The following ILRUN variants were observed in gnomAD, a reference collection of about 807,000 sequenced individuals.
ILRUN encodes inflammation and lipid regulator with UBA-like and NBR1-like domains, also known as protein ILRUN.
Under a neutral mutation model 33.8 loss-of-function variants are expected in ILRUN, and 3 were observed. That is an observed-to-expected ratio of 0.09 (90% CI 0.04 to 0.23). The LOEUF is 0.23. ILRUN is among the 10% of genes least tolerant of loss of function. ILRUN has a pLI of 1.00. For synonymous variants in ILRUN, 124 were observed against 138.9 expected (o/e 0.89, Z 0.75); for missense variants, 210 against 375.1 (o/e 0.56, Z 3.64).
intron 1 of ILRUN, among the ~76,000 whole-genome samples, chr6:34,660,298 CA>C (rs1007246592): frequency 6.8e-5 from 10 of 147,606 alleles, no homozygotes; most frequent in Non-Finnish European, 1.3e-4. Context: ...GAGACCCTGT[CA>C]AAAAAATAAA....
chr6:34,658,530 G>A (rs1197689127), intron 1 of ILRUN, among the ~76,000 whole-genome samples: 1 of 147,210 alleles, frequency 6.8e-6, no homozygotes, highest in Non-Finnish European at 1.5e-5. Flanking sequence ...CTTTAGGCAG[G>A]ACACAGTGGC....
intron 1 of ILRUN, among the ~76,000 whole-genome samples, chr6:34,676,678 T>C (rs1363428384): frequency 6.6e-6 from 1 of 151,896 alleles, no homozygotes; most frequent in African/African-American, 2.4e-5. Flanking sequence ...AAACATACTT[T>C]CTTTGAAAAT....
At chr6:34,684,103 A>C (rs1042285062) in intron 1 of ILRUN, among the ~76,000 whole-genome samples, 6 of 151,948 alleles carry the variant, frequency 3.9e-5, no homozygotes, top group Admixed American at 6.6e-5. Flanking sequence ...AAACCAGGAC[A>C]TTTCCTATAA....
intron 3 of ILRUN, among the ~76,000 whole-genome samples, chr6:34,641,219 A>C (rs1316814160): frequency 6.6e-6 from 1 of 152,220 alleles, no homozygotes; most frequent in Non-Finnish European, 1.5e-5. Flanking sequence ...GTGCCTAGGC[A>C]ACAGAGTCCC....
chr6:34,622,379 C>T (rs1762029000), intron 3 of ILRUN, among the ~76,000 whole-genome samples: 1 of 152,072 alleles, frequency 6.6e-6, no homozygotes, highest in East Asian at 1.9e-4. Context: ...ACAGAAAACA[C>T]AACCTGATTT....
chr6:34,670,644 A>C (rs1763096985), intron 1 of ILRUN, among the ~76,000 whole-genome samples: 1 of 151,842 alleles, frequency 6.6e-6, no homozygotes, highest in South Asian at 2.1e-4. Context: ...TGAGGTCAGG[A>C]GTTCGAGACC....
chr6:34,658,294 A>G (rs1468971542), intron 1 of ILRUN, among the ~76,000 whole-genome samples: 1 of 151,850 alleles, frequency 6.6e-6, no homozygotes, highest in Non-Finnish European at 1.5e-5. Context: ...CAATGAGCCA[A>G]AATTGTGCCA....
intron 4 of ILRUN, among the ~76,000 whole-genome samples, chr6:34,602,530 G>A (rs578231306): frequency 2.6e-5 from 4 of 152,254 alleles, no homozygotes; most frequent in African/African-American, 9.6e-5. Context: ...TCACAGCAAG[G>A]TTAGCCTTGA....
chr6:34,658,490 C>CTT (rs71538252), intron 1 of ILRUN, among the ~76,000 whole-genome samples: 11,642 of 130,798 alleles, frequency 0.089, 662 homozygotes, highest in East Asian at 0.31. Flanking sequence ...TTTTCTTTTT[C>CTT]TTTTTTTTTT....
chr6:34,602,317 C>T (rs2235568), intron 4 of ILRUN, among the ~76,000 whole-genome samples: 67,569 of 151,834 alleles, frequency 0.45, 16,951 homozygotes, highest in African/African-American at 0.69. Context: ...AATCAGACCA[C>T]TTGGGGTCTT....
At chr6:34,659,086 G>A (rs764143291) in intron 1 of ILRUN, among the ~76,000 whole-genome samples, 8 of 152,222 alleles carry the variant, frequency 5.3e-5, no homozygotes, top group Admixed American at 3.3e-4. Context: ...TGCAAGACAG[G>A]CATGGCCCTT....
At position 34,662,262 on chromosome 6, in the gene ILRUN, C is replaced by T. The variant is rs535925961; in HGVS notation, c.159-7483G>A. Among the ~76,000 whole-genome samples, 36 of 142,800 alleles carry T rather than the reference C, an allele frequency of 2.5e-4. No homozygotes were observed. The East Asian group carries it at 2.9e-3, about 11-fold the overall frequency. The allele number at this position is 142,800 out of a possible 152,430, so 93.7% of individuals were successfully genotyped here. A position where few individuals can be genotyped will look rare whatever the true frequency, so the allele number is the denominator to read the frequency against. On this transcript the variant is annotated intron_variant, in intron 1 of 4. Transcript: ENST00000374023. The stretch of plus-strand genomic sequence containing the variant: ...CAGAGCTTGCAGTGAGCCGAGATCG[C>T]GCCACTGCACTCCAGCCTGGGTGAC...
intron 1 of ILRUN, among the ~76,000 whole-genome samples, chr6:34,656,801 T>C (rs1409386676): frequency 6.6e-6 from 1 of 152,250 alleles, no homozygotes; most frequent in Non-Finnish European, 1.5e-5. Flanking sequence ...CATGCAATGG[T>C]GGCCTGTCAT....
intron 1 of ILRUN, among the ~76,000 whole-genome samples, chr6:34,668,078 G>A (rs144841109): frequency 6.6e-6 from 1 of 152,096 alleles, no homozygotes; most frequent in Non-Finnish European, 1.5e-5. Context: ...AGGGCTTAAA[G>A]GTGAAATCTC....
In ILRUN at chr6:34,589,860, C is replaced by T. The variant is rs989677804; in HGVS notation, c.*705G>A. ...TGCTGGCCACACAGGGAAGTTTGGTCTTCAGAGAGGTTCTGATGCTAACAA... is the reference window on the plus strand; with the variant it reads ...TGCTGGCCACACAGGGAAGTTTGGTTTTCAGAGAGGTTCTGATGCTAACAA... On this transcript the variant is annotated 3_prime_UTR_variant, in exon 5 of 5. Coordinates refer to ENST00000374023, the MANE Select transcript of ILRUN (RefSeq NM_024294.4). The T allele has an allele frequency of 6.6e-6, 1 of 151,970 alleles. No individual in the cohort carries two copies. The highest frequency in any genetic ancestry group is 2.4e-5 in the African/African-American group (1 of 41,364). The allele number at this position is 151,970 out of a possible 1,614,324, so 9.4% of individuals were successfully genotyped here. A position where few individuals can be genotyped will look rare whatever the true frequency, so the allele number is the denominator to read the frequency against.
intron 3 of ILRUN, among the ~76,000 whole-genome samples, chr6:34,624,939 C>T (rs1025536870): frequency 6.6e-6 from 1 of 152,176 alleles, no homozygotes; most frequent in African/African-American, 2.4e-5. Context: ...TCCCTCTCCT[C>T]CTGAAAGAGG....
chr6:34,600,345 T>G (rs1761483957), intron 4 of ILRUN, among the ~76,000 whole-genome samples: 1 of 152,192 alleles, frequency 6.6e-6, no homozygotes, highest in African/African-American at 2.4e-5. Context: ...AACTTCCACT[T>G]CAGGGCTTGT....
At chr6:34,657,414 T>G (rs886318042) in intron 1 of ILRUN, among the ~76,000 whole-genome samples, 10 of 152,194 alleles carry the variant, frequency 6.6e-5, no homozygotes, top group African/African-American at 2.4e-4. Context: ...CTACCCAACT[T>G]AGGCAGATCC....
At chr6:34,591,535 T>C (rs1468321005) in intron 4 of ILRUN, among the ~76,000 whole-genome samples, 4 of 150,550 alleles carry the variant, frequency 2.7e-5, no homozygotes, top group Non-Finnish European at 5.9e-5. Flanking sequence ...AGTTTCCCTC[T>C]GTCGCCCAGG....
Sources: allele counts gnomAD v4.1 joint callset (sites outside exome capture counted in the v4.1 genomes callset), GRCh38; gene constraint gnomAD v4.1.1; transcripts MANE v1.5; gene names NCBI Gene and HGNC (gene_info 2026-07-23, HGNC 2026-07-21).